The following PACS1 variants were observed in gnomAD, a reference collection of about 807,000 sequenced individuals.
PACS1 encodes the protein phosphofurin acidic cluster sorting protein 1.
PACS1 carries 24 observed loss-of-function variants against 115.0 expected under a neutral mutation model. That is an observed-to-expected ratio of 0.21 (90% CI 0.15 to 0.29). PACS1 has a LOEUF of 0.29. Among genes scored for constraint, PACS1 ranks in the 10% least tolerant of loss-of-function variants. PACS1 has a pLI of 1.00. For missense variants in PACS1, 838 were observed against 1,251.2 expected, an observed-to-expected ratio of 0.67 and a Z score of 4.98; for synonymous variants, 453 against 504.5, an observed-to-expected ratio of 0.90 and a Z score of 1.37.
chr11:66,109,759 T>C (rs1210923823), intron 1 of PACS1, among the ~76,000 whole-genome samples: 1 of 152,262 alleles, frequency 6.6e-6, no homozygotes. Context: ...TAAGTTTGAG[T>C]TGAACCTTTA....
chr11:66,100,926 G>A (rs1168589684), intron 1 of PACS1: 4 of 456,148 alleles, frequency 8.8e-6, no homozygotes, highest in Non-Finnish European at 1.8e-5. Context: ...GAGCGAGCTG[G>A]CGGAAGCCTC....
intron 1 of PACS1, among the ~76,000 whole-genome samples, chr11:66,146,145 A>AC (rs1034772695): frequency 6.6e-6 from 1 of 152,108 alleles, no homozygotes; most frequent in Non-Finnish European, 1.5e-5. Flanking sequence ...CACTAATGGG[A>AC]CAAAAAAAAC....
At chr11:66,237,611 C>T (rs965799408) in intron 19 of PACS1, among the ~76,000 whole-genome samples, 5 of 152,220 alleles carry the variant, frequency 3.3e-5, no homozygotes, top group African/African-American at 4.8e-5. Flanking sequence ...CTCCCATAGC[C>T]ACATTACAGG....
At position 66,230,908 on chromosome 11, in the gene PACS1, G is replaced by C; in HGVS notation, c.1594G>C (p.Glu532Gln). 6.2e-7 allele frequency: 1 copy of C among 1,614,130 alleles called. No individual in the cohort carries two copies. The highest frequency in any genetic ancestry group is 8.5e-7 in the Non-Finnish European group (1 of 1,179,994). ...LSERTNSSDS[E>Q]RSPDLGHSTQ... is the part of the protein sequence containing the mutation. ...TGAGAGGACCAACAGTTCCGACAGC[G>C]AGCGCTCCCCAGATCTGGGCCACAG... The change falls in exon 13 of 24, where the codon GAG (glutamate) becomes CAG (glutamine). Residue 532 changes from glutamate (E) to glutamine (Q), a missense_variant. Physicochemically the swap from Glu to Gln is conservative, Grantham distance 29 (BLOSUM62 2). This residue lies in a region of PACS1 where 383 missense variants were observed against 537.0 expected (regional missense o/e 0.71). Transcript: ENST00000320580.
At chr11:66,113,779 C>A (rs1410718569) in intron 1 of PACS1, among the ~76,000 whole-genome samples, 2 of 152,140 alleles carry the variant, frequency 1.3e-5, no homozygotes, top group Non-Finnish European at 2.9e-5. Context: ...CATTAATATA[C>A]TTTATTTAGT....
intron 1 of PACS1, among the ~76,000 whole-genome samples, chr11:66,126,639 T>C (rs940674565): frequency 2.0e-5 from 3 of 151,510 alleles, no homozygotes; most frequent in Admixed American, 6.6e-5. Flanking sequence ...TTTGACACCA[T>C]TGGGAATTTT....
At chr11:66,211,324 C>G in intron 4 of PACS1, 65 bp downstream of exon 4, 1 of 1,559,350 alleles carries the variant, frequency 6.4e-7, no homozygotes, top group Non-Finnish European at 8.8e-7. Context: ...ACACCCCAGC[C>G]CAGCCAGTTG....
At chr11:66,094,553 A>C (rs1857734522) in intron 1 of PACS1, among the ~76,000 whole-genome samples, 1 of 148,580 alleles carries the variant, frequency 6.7e-6, no homozygotes, top group East Asian at 2.0e-4. Flanking sequence ...GGCAATAATC[A>C]ATAGCTTACC....
chr11:66,130,469 G>A (rs1858674236), intron 1 of PACS1, among the ~76,000 whole-genome samples: 1 of 151,906 alleles, frequency 6.6e-6, no homozygotes, highest in South Asian at 2.1e-4. Context: ...GTTTTCTGTT[G>A]TCACTTTGTA....
chr11:66,077,436 C>T (rs1857416531), intron 1 of PACS1, among the ~76,000 whole-genome samples: 1 of 152,096 alleles, frequency 6.6e-6, no homozygotes, highest in Non-Finnish European at 1.5e-5. Context: ...TGGCGTGCGC[C>T]TGTGGTCCCA....
In PACS1 at chr11:66,091,567, A is replaced by G. The variant is rs192071801; in HGVS notation, c.356+20725A>G. On this transcript the variant is annotated intron_variant, in intron 1 of 23. Transcript: ENST00000320580. ...TTAAATTTTAGGGTACATGTGCACA[A>G]TGTGCAGGTTAGTTACATATGTATA... Among the ~76,000 whole-genome samples, 600 of 150,408 alleles carry G rather than the reference A, an allele frequency of 4.0e-3. 7 individuals carry two copies. The highest frequency in any genetic ancestry group is 0.014 in the African/African-American group (571 of 40,382).
intron 1 of PACS1, among the ~76,000 whole-genome samples, chr11:66,095,049 AAAT>A (rs1222164214): frequency 6.7e-5 from 10 of 149,252 alleles, no homozygotes; most frequent in Non-Finnish European, 1.5e-4. Context: ...ACGTATCTCA[AAAT>A]AATAAGAGCT....
At chr11:66,128,932 G>C (rs1433311964) in intron 1 of PACS1, among the ~76,000 whole-genome samples, 2 of 151,730 alleles carry the variant, frequency 1.3e-5, no homozygotes, top group Non-Finnish European at 2.9e-5. Flanking sequence ...AGACGGAGTA[G>C]TGGTTGCCTG....
chr11:66,159,848 A>G (rs1314397576), intron 1 of PACS1, among the ~76,000 whole-genome samples: 1 of 152,236 alleles, frequency 6.6e-6, no homozygotes, highest in Non-Finnish European at 1.5e-5. Context: ...ATCCAGCGGG[A>G]GAGGGAGAAA....
intron 1 of PACS1, among the ~76,000 whole-genome samples, chr11:66,085,282 C>T (rs1857546488): frequency 6.6e-6 from 1 of 152,050 alleles, no homozygotes. Context: ...GAGGAGGAAT[C>T]CTGCTGCAGA....
At chr11:66,133,350 G>C (rs1858745961) in intron 1 of PACS1, among the ~76,000 whole-genome samples, 1 of 152,232 alleles carries the variant, frequency 6.6e-6, no homozygotes, top group African/African-American at 2.4e-5. Context: ...AGATGGAGGA[G>C]CTGAGTTTTT....
intron 3 of PACS1, among the ~76,000 whole-genome samples, chr11:66,210,752 C>T (rs992059904): frequency 7.9e-5 from 12 of 152,238 alleles, no homozygotes; most frequent in Admixed American, 3.9e-4. Context: ...TCGCACACCC[C>T]GTGGACTGTG....
intron 2 of PACS1, among the ~76,000 whole-genome samples, chr11:66,203,204 T>C (rs939049675): frequency 6.6e-6 from 1 of 152,130 alleles, no homozygotes; most frequent in African/African-American, 2.4e-5. Context: ...CATTTCTATA[T>C]GTCAACAGTG....
At chr11:66,197,418 T>C (rs376898527) in intron 2 of PACS1, among the ~76,000 whole-genome samples, 18 of 152,310 alleles carry the variant, frequency 1.2e-4, no homozygotes, top group East Asian at 1.2e-3. Context: ...AAAATTCTAC[T>C]TTGGAAAAAA....
Sources: gnomAD v4.1 joint callset for allele counts (sites outside exome capture counted in the v4.1 genomes callset) on GRCh38, gnomAD v4.1.1 for gene constraint, gnomAD v4.1.1 regional missense constraint, MANE v1.5 for transcripts, NCBI Gene and HGNC (gene_info 2026-07-23, HGNC 2026-07-21) for gene names.